BCKDHB: variants seen among roughly 807,000 people sequenced by gnomAD.
BCKDHB encodes branched chain keto acid dehydrogenase E1 subunit beta.
BCKDHB carries 41 observed loss-of-function variants against 48.5 expected under a neutral mutation model. That is an observed-to-expected ratio of 0.85 (90% CI 0.66 to 1.10). The LOEUF (loss-of-function observed/expected upper bound fraction) is 1.10, where lower values mean the gene tolerates loss of function less well. Among genes scored for constraint, BCKDHB ranks in the 50% least tolerant of loss-of-function variants. The pLI is 0.00. For synonymous variants in BCKDHB, 201 were observed against 174.8 expected (o/e 1.15, Z -1.18); for missense variants, 496 against 494.2 (o/e 1.00, Z -0.03).
intron 8 of BCKDHB, among the ~76,000 whole-genome samples, chr6:80,206,743 A>G (rs1283139780): frequency 6.6e-6 from 1 of 152,048 alleles, no homozygotes; most frequent in African/African-American, 2.4e-5. Context: ...GTCAGAAAAG[A>G]GGATAAAACA....
At chr6:80,339,808 C>T (rs1050570576) in intron 9 of BCKDHB, among the ~76,000 whole-genome samples, 2 of 152,204 alleles carry the variant, frequency 1.3e-5, no homozygotes, top group East Asian at 1.9e-4. Flanking sequence ...TCCAAGCCTG[C>T]CTTCCACATT....
the BCKDHB span, among the ~76,000 whole-genome samples, chr6:80,362,890 C>A: frequency 6.6e-6 from 1 of 152,224 alleles, no homozygotes; most frequent in South Asian, 2.1e-4. Flanking sequence ...ATGAAAGTTG[C>A]ATTAACCAAA....
At chr6:80,248,902 A>ATGTGTGTG (rs3077568) in intron 8 of BCKDHB, among the ~76,000 whole-genome samples, 126 of 146,792 alleles carry the variant, frequency 8.6e-4, no homozygotes, top group African/African-American at 1.8e-3. Context: ...GTGTGTGTGT[A>ATGTGTGTG]TGTGTGTGTG....
At chr6:80,332,822 A>G (rs1169521386) in intron 9 of BCKDHB, among the ~76,000 whole-genome samples, 1 of 152,020 alleles carries the variant, frequency 6.6e-6, no homozygotes, top group East Asian at 1.9e-4. Context: ...CTCAAGTGGC[A>G]GCTCATGCCC....
chr6:80,218,378 T>A (rs1004240108), intron 8 of BCKDHB, among the ~76,000 whole-genome samples: 6 of 152,096 alleles, frequency 3.9e-5, no homozygotes, highest in African/African-American at 1.4e-4. Flanking sequence ...AGTTTTAGAT[T>A]TTTCAGGAAT....
the BCKDHB span, chr6:80,374,184 G>A: frequency 1.4e-6 from 1 of 722,174 alleles, no homozygotes; most frequent in Non-Finnish European, 2.6e-6. Context: ...AGCTCTGTAG[G>A]TCTGGCAGCA....
chr6:80,313,182 C>T (rs1768254419), intron 9 of BCKDHB, among the ~76,000 whole-genome samples: 1 of 152,118 alleles, frequency 6.6e-6, no homozygotes, highest in Admixed American at 6.5e-5. Flanking sequence ...AGAAATTTAT[C>T]CATTTCTTCT....
chr6:80,285,054 C>G (rs576869067), intron 9 of BCKDHB, among the ~76,000 whole-genome samples: 1 of 152,210 alleles, frequency 6.6e-6, no homozygotes, highest in South Asian at 2.1e-4. Flanking sequence ...GTTAAAAAAA[C>G]TGAAACTTAA....
rs370299995 is a variant in BCKDHB at position 80,344,089 on chromosome 6, C to A, written c.*285C>A. On this transcript the variant is annotated 3_prime_UTR_variant, in exon 10 of 10. Transcript: ENST00000320393. ...AATCTCAGCTCACTGCAACCTCCCCCCTACCCCTGAGTTCAAGCGATTCTC... is the reference window on the plus strand; with the variant it reads ...AATCTCAGCTCACTGCAACCTCCCCACTACCCCTGAGTTCAAGCGATTCTC... The A allele has an allele frequency of 7.1e-6, 3 of 422,906 alleles. No individual in the cohort carries two copies. Among genetic ancestry groups the A allele is most frequent in the South Asian group, 2.2e-5 (1 of 46,204 alleles). The allele number at this position is 422,906 out of a possible 1,614,324, so 26.2% of individuals were successfully genotyped here.
At chr6:80,404,701 C>T in the BCKDHB span, among the ~76,000 whole-genome samples, 10 of 151,854 alleles carry the variant, frequency 6.6e-5, no homozygotes, top group Non-Finnish European at 1.3e-4. Flanking sequence ...GTTGTTATTG[C>T]TATAAACTTC....
At position 80,107,201 on chromosome 6, in the gene BCKDHB, C is replaced by G. The variant is rs374666830; in HGVS notation, c.196+312C>G. 4.0e-5 allele frequency among the ~76,000 whole-genome samples: 6 copies of G among 151,666 alleles called. No individual in the cohort carries two copies. In the East Asian group the frequency reaches 9.7e-4, roughly 25 times the overall value. ...AGGGAACGCCTCCCTTTTCTCTGTCCTCCGTCCTTGCTTTCTCAACCCAGG... is the reference window on the plus strand; with the variant it reads ...AGGGAACGCCTCCCTTTTCTCTGTCGTCCGTCCTTGCTTTCTCAACCCAGG... On this transcript the variant is annotated intron_variant, in intron 1 of 9. Coordinates refer to ENST00000320393, the MANE Select transcript of BCKDHB (RefSeq NM_183050.4).
At chr6:80,421,757 G>T in the BCKDHB span, among the ~76,000 whole-genome samples, 3 of 152,172 alleles carry the variant, frequency 2.0e-5, no homozygotes, top group Non-Finnish European at 4.4e-5. Context: ...TCTGGTGGAA[G>T]AAATTTCTAA....
At chr6:80,189,876 A>G (rs1773811952) in intron 6 of BCKDHB, among the ~76,000 whole-genome samples, 2 of 152,152 alleles carry the variant, frequency 1.3e-5, no homozygotes, top group Non-Finnish European at 2.9e-5. Context: ...GAATTTATGA[A>G]TTCTAGCTAA....
chr6:80,168,784 A>AG lies in BCKDHB; in HGVS notation c.478-89dup. ...AGACTCATTGTGCCTTGGGAAGGGAAGGAAGGAAGGGAGGGAGGGAGGAAG... is the reference window on the plus strand; with the variant it reads ...AGACTCATTGTGCCTTGGGAAGGGAAGGGAAGGAAGGGAGGGAGGGAGGAAG... On this transcript the variant is annotated intron_variant, in intron 4 of 9. Coordinates refer to ENST00000320393, the MANE Select transcript of BCKDHB (RefSeq NM_183050.4). 22 of 1,250,316 alleles carry AG rather than the reference A, an allele frequency of 1.8e-5. No individual in the cohort carries two copies. The Admixed American group carries it at 3.0e-4, about 17-fold the overall frequency. The allele number at this position is 1,250,316 out of a possible 1,614,324, so 77.5% of individuals were successfully genotyped here.
chr6:80,374,381 G>A, the BCKDHB span: 1 of 813,158 alleles, frequency 1.2e-6, no homozygotes, highest in Non-Finnish European at 2.2e-6. Context: ...CTCCACCATT[G>A]TAACGTCGGA....
intron 3 of BCKDHB, among the ~76,000 whole-genome samples, chr6:80,154,074 G>A (rs997728499): frequency 6.6e-6 from 1 of 152,096 alleles, no homozygotes; most frequent in African/African-American, 2.4e-5. Flanking sequence ...CCATTCTTCA[G>A]TGCCTAATTC....
chr6:80,317,667 T>C (rs1768519019), intron 9 of BCKDHB, among the ~76,000 whole-genome samples: 1 of 152,194 alleles, frequency 6.6e-6, no homozygotes, highest in African/African-American at 2.4e-5. Flanking sequence ...AGGTAACATA[T>C]TCGTAGTTCG....
At chr6:80,436,533 G>A in the BCKDHB span, among the ~76,000 whole-genome samples, 5 of 152,066 alleles carry the variant, frequency 3.3e-5, no homozygotes, top group Non-Finnish European at 7.4e-5. Flanking sequence ...ATGTACTGTT[G>A]TTTTTACTTC....
intron 6 of BCKDHB, among the ~76,000 whole-genome samples, chr6:80,189,764 G>A (rs1038109221): frequency 6.6e-6 from 1 of 151,908 alleles, no homozygotes; most frequent in African/African-American, 2.4e-5. Flanking sequence ...AAAGTTGTAG[G>A]CTTATAAAAA....
Sources: gnomAD v4.1 joint callset for allele counts (sites outside exome capture counted in the v4.1 genomes callset) on GRCh38, gnomAD v4.1.1 for gene constraint, MANE v1.5 for transcripts, NCBI Gene and HGNC (gene_info 2026-07-23, HGNC 2026-07-21) for gene names.